Variants in FAT3 observed in about 807,000 individuals in gnomAD.
The protein encoded by FAT3 is FAT atypical cadherin 3, also known as protocadherin Fat 3.
A neutral mutation model predicts 310.2 loss-of-function variants in FAT3; 95 were observed. The observed-to-expected ratio is 0.31, with a 90% CI of 0.26 to 0.36. FAT3 has a LOEUF of 0.36. Among genes scored for constraint, FAT3 ranks in the 10% least tolerant of loss-of-function variants. The pLI, the probability that FAT3 is intolerant of heterozygous loss-of-function variation, is 1.00. For missense variants in FAT3, 5,408 were observed against 5,715.6 expected (o/e 0.95, Z 1.74); for synonymous variants, 2,314 against 2,192.9 (o/e 1.06, Z -1.54).
intron 22 of FAT3, among the ~76,000 whole-genome samples, chr11:92,878,156 T>G (rs74956337): frequency 6.6e-6 from 1 of 152,146 alleles, no homozygotes; most frequent in Non-Finnish European, 1.5e-5. Context: ...GATTTTGCAG[T>G]CTTGAATTCA....
chr11:92,305,003 TA>T (rs1254430862), intron 1 of FAT3, among the ~76,000 whole-genome samples: 4 of 152,178 alleles, frequency 2.6e-5, no homozygotes, highest in African/African-American at 9.6e-5. Context: ...GTCTCCTTAA[TA>T]GACATTTGTA....
At chr11:92,268,952 C>G (rs1465358238) in intron 1 of FAT3, among the ~76,000 whole-genome samples, 1 of 152,012 alleles carries the variant, frequency 6.6e-6, no homozygotes, top group Admixed American at 6.6e-5. Context: ...CAGCCTTTTA[C>G]TTTGTATGGG....
intron 3 of FAT3, among the ~76,000 whole-genome samples, chr11:92,599,875 A>G (rs488914): frequency 0.57 from 87,130 of 151,928 alleles, 26,730 homozygotes; most frequent in African/African-American, 0.8. Flanking sequence ...AATACTCCCT[A>G]TGCCTTTTAA....
chr11:92,626,749 C>G (rs146694131), intron 3 of FAT3, among the ~76,000 whole-genome samples: 1 of 152,096 alleles, frequency 6.6e-6, no homozygotes, highest in Non-Finnish European at 1.5e-5. Context: ...TTAAGGAAAG[C>G]CTAGAGTAAG....
At chr11:92,323,493 T>TC (rs939772307) in intron 1 of FAT3, among the ~76,000 whole-genome samples, 7 of 151,498 alleles carry the variant, frequency 4.6e-5, no homozygotes, top group African/African-American at 1.7e-4. Context: ...GTTCAAGTGA[T>TC]CCCCCCATGT....
At position 92,804,012 on chromosome 11, in the gene FAT3, C is replaced by T. The variant is rs561864284; in HGVS notation, c.8897-1141C>T. ...TTCCCACTCAGTCTCTTCAGTAGGACCCCGATATTTGCCCTCTGCTTTTTA... is the reference window on the plus strand; with the variant it reads ...TTCCCACTCAGTCTCTTCAGTAGGATCCCGATATTTGCCCTCTGCTTTTTA... On this transcript the variant is annotated intron_variant, in intron 10 of 27. Coordinates refer to ENST00000525166, the MANE Select transcript of FAT3 (RefSeq NM_001367949.2). Among the ~76,000 whole-genome samples the T allele has an allele frequency of 4.6e-5, 7 of 152,330 alleles. No homozygotes were observed. In the East Asian group the frequency reaches 1.3e-3, roughly 29 times the overall value.
At chr11:92,361,000 G>C (rs1455854179) in intron 2 of FAT3, among the ~76,000 whole-genome samples, 3 of 152,096 alleles carry the variant, frequency 2.0e-5, no homozygotes, top group African/African-American at 7.2e-5. Flanking sequence ...AGATTTTTCT[G>C]GGTTATTGCT....
chr11:92,618,043 T>C (rs1387646279), intron 3 of FAT3, among the ~76,000 whole-genome samples: 1 of 152,226 alleles, frequency 6.6e-6, no homozygotes, highest in Non-Finnish European at 1.5e-5. Context: ...TGCAGAAGTT[T>C]CTGCTGCCTT....
intron 2 of FAT3, among the ~76,000 whole-genome samples, chr11:92,460,501 G>C (rs1312530612): frequency 6.6e-6 from 1 of 152,188 alleles, no homozygotes; most frequent in Non-Finnish European, 1.5e-5. Flanking sequence ...AGTGTGTATT[G>C]GTTTGGATTT....
chr11:92,706,095 A>T lies in FAT3; in HGVS notation c.3669+8650A>T, dbSNP rs111843699. 5.4e-3 allele frequency among the ~76,000 whole-genome samples: 786 copies of T among 145,814 alleles called. 9 individuals carry two copies. Among genetic ancestry groups the T allele is most frequent in the African/African-American group, 0.019 (737 of 39,190 alleles). ...CGACTGTGATGGTGGAGATGGTGTT[A>T]ATGGTGGTGGTGGTAGTAATGGTGG... On this transcript the variant is annotated intron_variant, in intron 4 of 27. Transcript: ENST00000525166.
intron 13 of FAT3, among the ~76,000 whole-genome samples, chr11:92,826,496 G>T (rs1455253389): frequency 1.3e-5 from 2 of 152,180 alleles, no homozygotes; most frequent in African/African-American, 4.8e-5. Flanking sequence ...AACAGGGATT[G>T]AAATGTTCTA....
intron 7 of FAT3, among the ~76,000 whole-genome samples, chr11:92,784,015 A>T (rs759175672): frequency 1.3e-5 from 2 of 152,216 alleles, no homozygotes; most frequent in Non-Finnish European, 2.9e-5. Flanking sequence ...TGTATGTATA[A>T]ATGTTAACAT....
At chr11:92,412,714 T>C (rs12576779) in intron 2 of FAT3, among the ~76,000 whole-genome samples, 3 of 19,362 alleles carry the variant, frequency 1.5e-4, no homozygotes, top group East Asian at 1.5e-3. Context: ...TATATATATA[T>C]ATATATATAT....
intron 1 of FAT3, among the ~76,000 whole-genome samples, chr11:92,330,822 GA>G (rs1351614725): frequency 6.6e-6 from 1 of 152,106 alleles, no homozygotes; most frequent in Non-Finnish European, 1.5e-5. Flanking sequence ...ACTTTGGAAG[GA>G]AAGGCTTTAA....
chr11:92,504,574 T>A, intron 2 of FAT3, among the ~76,000 whole-genome samples: 1 of 152,180 alleles, frequency 6.6e-6, no homozygotes, highest in Non-Finnish European at 1.5e-5. Context: ...ACTCTTTAAT[T>A]GCTTATGAAT....
intron 3 of FAT3, among the ~76,000 whole-genome samples, chr11:92,575,106 TGTTA>T (rs141726767): frequency 5.9e-5 from 9 of 152,314 alleles, no homozygotes; most frequent in South Asian, 2.1e-4. Context: ...TTTTTCCATT[TGTTA>T]GTTAGTTGTC....
At chr11:92,582,282 T>G (rs1938849767) in intron 3 of FAT3, among the ~76,000 whole-genome samples, 1 of 151,970 alleles carries the variant, frequency 6.6e-6, no homozygotes, top group African/African-American at 2.4e-5. Context: ...GGACTTAGAA[T>G]GCTTTAACTG....
In FAT3 at chr11:92,798,936, G is replaced by A; in HGVS notation, c.5923G>A (p.Ala1975Thr). 6.2e-7 allele frequency: 1 copy of A among 1,613,984 alleles called. No individual in the cohort carries two copies. The change falls in exon 10 of 28, where the codon GCC becomes ACC. Residue 1975 changes from alanine to threonine, a missense_variant. Ala to Thr is a moderately conservative substitution (Grantham distance 58). Coordinates refer to ENST00000525166, the MANE Select transcript of FAT3 (RefSeq NM_001367949.2). ...CATGGTCACCATCATGGTTAAAGAAGCCATGGACAGCGGCCTCCACTTTAC... is the reference window on the plus strand; with the variant it reads ...CATGGTCACCATCATGGTTAAAGAAACCATGGACAGCGGCCTCCACTTTAC... The part of the protein sequence containing the change: ...TSMVTIMVKE[A>T]MDSGLHFTQS...
chr11:92,443,067 T>C (rs1277777813), intron 2 of FAT3, among the ~76,000 whole-genome samples: 1 of 152,216 alleles, frequency 6.6e-6, no homozygotes, highest in Non-Finnish European at 1.5e-5. Context: ...CTATTTTAAT[T>C]ACGAACATAA....
Sources: gnomAD v4.1 joint callset for allele counts (sites outside exome capture counted in the v4.1 genomes callset) on GRCh38, gnomAD v4.1.1 for gene constraint, MANE v1.5 for transcripts, NCBI Gene and HGNC (gene_info 2026-07-23, HGNC 2026-07-21) for gene names.